The following PTPN21 variants were observed in gnomAD, a reference collection of about 807,000 sequenced individuals.
PTPN21 encodes protein tyrosine phosphatase non-receptor type 21.
Under a neutral mutation model 131.8 loss-of-function variants are expected in PTPN21, and 77 were observed. That is an observed-to-expected ratio of 0.58 (90% CI 0.49 to 0.71). The LOEUF is 0.71. PTPN21 is among the 30% of genes least tolerant of loss of function. The pLI is 0.00. For synonymous variants in PTPN21, 715 were observed against 621.3 expected (o/e 1.15, Z -2.24); for missense variants, 1,552 against 1,527.1 (o/e 1.02, Z -0.27).
In PTPN21 at chr14:88,469,076, G is replaced by T; in HGVS notation, c.3236C>A (p.Ser1079Ter). ...GCPEDLKGFL[S>*]YLEEIQSVRR... is the part of the protein sequence containing the mutation. ...AACAGACTGGATCTCTTCAAGATAT[G>T]CTGTGGAAAATCAATGAAATAGAAA... Residue 1079 changes from serine to a stop codon, truncating the protein, a stop_gained and splice_region_variant, in exon 18 of 19, where the codon TCA (serine) becomes TAA (stop). Coordinates refer to ENST00000556564, the MANE Select transcript of PTPN21 (RefSeq NM_007039.4). LOFTEE classifies it high-confidence loss of function. This position sits in a 1 kb window ranked among gnomAD's most constrained non-coding sequence, Gnocchi z 4.3. 1 of 1,606,002 alleles carries T rather than the reference G, an allele frequency of 6.2e-7. No individual in the cohort carries two copies. Among genetic ancestry groups the T allele is most frequent in the Non-Finnish European group, 8.5e-7 (1 of 1,174,094 alleles).
chr14:88,518,384 G>A (rs866788018), intron 2 of PTPN21, among the ~76,000 whole-genome samples: 280 of 13,246 alleles, frequency 0.021, 1 homozygote, highest in African/African-American at 0.046. Flanking sequence ...ATGTGTGTGT[G>A]TGTATATATA....
At chr14:88,516,933 T>C (rs2078279826) in intron 3 of PTPN21, among the ~76,000 whole-genome samples, 159 bp downstream of exon 3, 1 of 152,248 alleles carries the variant, frequency 6.6e-6, no homozygotes. Context: ...AGTAAAACAC[T>C]CTGACATGCC....
intron 10 of PTPN21, 103 bp downstream of exon 10, chr14:88,496,310 G>T (rs2077914963): frequency 3.8e-6 from 4 of 1,043,246 alleles, no homozygotes; most frequent in Non-Finnish European, 5.7e-6. Flanking sequence ...ATCAAGAAAA[G>T]ATGTCAACTG....
chr14:88,497,283 C>T lies in PTPN21; in HGVS notation c.772G>A (p.Asp258Asn). Residue 258 changes from aspartate (D) to asparagine (N), a missense_variant, in exon 9 of 19, where the codon GAC becomes AAC. Around this residue, in one of 4 missense-constraint regions of PTPN21, gnomAD observed 1,016 missense variants for 883.5 expected, o/e 1.15. Transcript: ENST00000556564. ...GRHPVVFRWH[D>N]IANMSHNKSF... The stretch of plus-strand genomic sequence containing the variant: ...TTGTTGTGGGACATGTTGGCAATGT[C>T]ATGCCACCTAAAGAACAGCAAATAG... The T allele has an allele frequency of 1.9e-6, 3 of 1,612,470 alleles. No individual in the cohort carries two copies. Among genetic ancestry groups the T allele is most frequent in the Non-Finnish European group, 2.5e-6 (3 of 1,178,544 alleles).
intron 2 of PTPN21, among the ~76,000 whole-genome samples, chr14:88,542,808 C>G (rs1256960474): frequency 6.6e-6 from 1 of 152,192 alleles, no homozygotes; most frequent in African/African-American, 2.4e-5. Flanking sequence ...CTTTCTCTAT[C>G]TAGGTGAGAG....
chr14:88,479,537 G>A lies in PTPN21; in HGVS notation c.1894C>T (p.Leu632=). The change falls in exon 13 of 19, where the codon CTG becomes TTG. Residue 632 remains leucine, a synonymous_variant. Transcript: ENST00000556564. ...ACCTCGATGCTGTTCCGTTTGTGCA[G>A]CTGCGCGTGGCGCGCGGCGGTGAGG... ...EPLTAARHAQ[L]HKRNSIEVAG... The A allele has an allele frequency of 6.3e-7, 1 of 1,599,938 alleles. No individual in the cohort carries two copies. Among genetic ancestry groups the A allele is most frequent in the Non-Finnish European group, 8.5e-7 (1 of 1,179,202 alleles).
intron 5 of PTPN21, 53 bp downstream of exon 5, chr14:88,505,251 G>A: frequency 2.2e-6 from 3 of 1,334,436 alleles, no homozygotes; most frequent in South Asian, 2.5e-5. Flanking sequence ...ATTATTAAGG[G>A]TATAGGAATA....
intron 3 of PTPN21, among the ~76,000 whole-genome samples, chr14:88,508,231 G>A (rs1006709642): frequency 6.6e-6 from 1 of 150,878 alleles, no homozygotes; most frequent in Non-Finnish European, 1.5e-5. Flanking sequence ...TCACTGTAGC[G>A]TCAACCTTCC....
chr14:88,480,394 T>A (rs2077636419), intron 12 of PTPN21, 42 bp from the exon 13 acceptor site: 3 of 1,444,180 alleles, frequency 2.1e-6, no homozygotes, highest in Non-Finnish European at 2.9e-6. Flanking sequence ...TTAAATGGAC[T>A]AATTACTCCA....
In PTPN21 at chr14:88,478,994, A is replaced by G; in HGVS notation, c.2437T>C (p.Ser813Pro). ...TSGRYRARRDSLKKRPVSDLL... is the reference protein window; with the variant it reads ...TSGRYRARRDPLKKRPVSDLL... ...TCCGACACCGGCCTTTTCTTCAGAG[A>G]GTCCCTCCGGGCTCGGTAGCGGCCT... The change falls in exon 13 of 19, where the codon TCT becomes CCT. Residue 813 changes from serine to proline, a missense_variant. Ser to Pro is a moderately conservative substitution (Grantham distance 74). This residue lies in a region of PTPN21 where 1,016 missense variants were observed against 883.5 expected (regional missense o/e 1.15). Coordinates refer to ENST00000556564, the MANE Select transcript of PTPN21 (RefSeq NM_007039.4). 1.3e-6 allele frequency: 2 copies of G among 1,586,350 alleles called. No individual in the cohort carries two copies. Among genetic ancestry groups the G allele is most frequent in the South Asian group, 2.3e-5 (2 of 87,932 alleles).
intron 13 of PTPN21, among the ~76,000 whole-genome samples, chr14:88,478,070 ATCTAAG>A (rs1437672063): frequency 1.3e-5 from 2 of 152,152 alleles, no homozygotes; most frequent in South Asian, 2.1e-4. Context: ...GTTAGTTAAT[ATCTAAG>A]TCTGTTTCTT....
At chr14:88,521,018 A>T (rs11625009) in intron 2 of PTPN21, among the ~76,000 whole-genome samples, 86,099 of 151,160 alleles carry the variant, frequency 0.57, 26,716 homozygotes, top group Middle Eastern at 0.72. Context: ...ATATATATAT[A>T]TTTTTTTTGG....
chr14:88,545,036 G>GC (rs2078756491), intron 2 of PTPN21, among the ~76,000 whole-genome samples: 1 of 152,002 alleles, frequency 6.6e-6, no homozygotes, highest in African/African-American at 2.4e-5. Flanking sequence ...CACCATGTTG[G>GC]CCAGGCCAGG....
Position 88,478,978 on chromosome 14 carries a change from G to A in PTPN21, c.2453C>T (p.Pro818Leu). The A allele has an allele frequency of 1.3e-6, 2 of 1,572,200 alleles. No homozygotes were observed. Among genetic ancestry groups the A allele is most frequent in the East Asian group, 2.3e-5 (1 of 43,540 alleles). The change falls in exon 13 of 19, where the codon CCG becomes CTG. Residue 818 changes from proline to leucine, a missense_variant. Physicochemically the swap from Pro to Leu is moderately conservative, Grantham distance 98. This residue lies in a region of PTPN21 where 1,016 missense variants were observed against 883.5 expected (regional missense o/e 1.15). Coordinates refer to ENST00000556564, the MANE Select transcript of PTPN21 (RefSeq NM_007039.4). ...RARRDSLKKR[P>L]VSDLLSGKKN... ...CTTCCCAGAGAGAAGGTCCGACACC[G>A]GCCTTTTCTTCAGAGAGTCCCTCCG...
At chr14:88,481,641 G>A (rs757826343) in intron 12 of PTPN21, among the ~76,000 whole-genome samples, 15 of 152,184 alleles carry the variant, frequency 9.9e-5, no homozygotes, top group Non-Finnish European at 1.8e-4. Flanking sequence ...AGAGATGAAG[G>A]GTTACAGGAG....
intron 10 of PTPN21, among the ~76,000 whole-genome samples, chr14:88,495,382 C>T (rs2077895698): frequency 6.6e-6 from 1 of 151,884 alleles, no homozygotes; most frequent in Non-Finnish European, 1.5e-5. Context: ...CAAGGAGGGC[C>T]GGGCACGGTG....
Position 88,550,289 on chromosome 14 carries a change from G to A in PTPN21, c.129C>T (p.Ser43=). 6.2e-7 allele frequency: 1 copy of A among 1,614,172 alleles called. No homozygotes were observed. The highest frequency in any genetic ancestry group is 2.2e-5 in the East Asian group (1 of 44,880). Residue 43 remains serine, a synonymous_variant, in exon 2 of 19, where the codon AGC becomes AGT. Coordinates refer to ENST00000556564, the MANE Select transcript of PTPN21 (RefSeq NM_007039.4). ...CGGCCTCGAGGCTTTCCTGGCCAGT[G>A]CTCTCCACGGACAGGGTGAACTCCA... ...EFVEFTLSVE[S]TGQESLEAVA...
chr14:88,522,409 G>A (rs1383702721), intron 2 of PTPN21, among the ~76,000 whole-genome samples: 10 of 133,896 alleles, frequency 7.5e-5, no homozygotes, highest in South Asian at 4.7e-4. Flanking sequence ...CAGCCTGGGC[G>A]ACAGAGCAAG....
chr14:88,521,900 A>T (rs1419399911), intron 2 of PTPN21, among the ~76,000 whole-genome samples: 1 of 152,204 alleles, frequency 6.6e-6, no homozygotes, highest in Non-Finnish European at 1.5e-5. Flanking sequence ...TTAAAAAAAT[A>T]ACAGCTGAAC....
Sources: allele counts gnomAD v4.1 joint callset (sites outside exome capture counted in the v4.1 genomes callset), GRCh38; gene constraint gnomAD v4.1.1; regional missense constraint gnomAD v4.1.1; non-coding constraint Gnocchi (gnomAD v3.1); transcripts MANE v1.5; gene names NCBI Gene and HGNC (gene_info 2026-07-23, HGNC 2026-07-21).